The following ZFHX3 variants were observed in gnomAD, a reference collection of about 807,000 sequenced individuals.
The protein encoded by ZFHX3 is zinc finger homeobox protein 3.
A neutral mutation model predicts 279.1 loss-of-function variants in ZFHX3; 42 were observed. The ratio of observed to expected loss-of-function variants is 0.15; its 90% CI spans 0.12 to 0.19. The LOEUF is 0.19. ZFHX3 is among the 10% of genes least tolerant of loss of function. ZFHX3 has a pLI of 1.00. For synonymous variants in ZFHX3, 2,293 were observed against 1,957.8 expected (o/e 1.17, Z -4.52); for missense variants, 4,981 against 4,754.0 (o/e 1.05, Z -1.40).
chr16:73,026,673 C>CAAAAAA (rs10561679), intron 1 of ZFHX3, among the ~76,000 whole-genome samples: 2,215 of 79,058 alleles, frequency 0.028, 50 homozygotes, highest in African/African-American at 0.03. Context: ...AAAACTGCCT[C>CAAAAAA]AAAAAAAAAA....
At chr16:73,804,955 G>GGAGAGAGGGAGAGGAACGGAGT (rs1960239052) in intron 1 of ZFHX3, among the ~76,000 whole-genome samples, 1 of 141,552 alleles carries the variant, frequency 7.1e-6, no homozygotes, top group Admixed American at 7.1e-5. Context: ...AGGAAGGGAG[G>GGAGAGAGGGAGAGGAACGGAGT]GAGAGAGGGA....
In ZFHX3 at chr16:73,030,435, T is replaced by C. The variant is rs575265703; in HGVS notation, c.-50+17317A>G. 1.1e-4 allele frequency among the ~76,000 whole-genome samples: 16 copies of C among 152,320 alleles called. 1 individual carries two copies. The East Asian group carries it at 3.1e-3, about 29-fold the overall frequency. ...AAGGTTAGAAGGCTCAAGTCCTCTTTCCAGGTAGCTGGGAGGATGTAATTG... is the reference window on the plus strand; with the variant it reads ...AAGGTTAGAAGGCTCAAGTCCTCTTCCCAGGTAGCTGGGAGGATGTAATTG... On this transcript the variant is annotated intron_variant, in intron 1 of 9. Transcript: ENST00000268489.
chr16:72,806,220 C>G (rs540751917), intron 7 of ZFHX3, among the ~76,000 whole-genome samples: 1 of 152,124 alleles, frequency 6.6e-6, no homozygotes, highest in South Asian at 2.1e-4. Flanking sequence ...ACATCAAGCT[C>G]AAAAGAAAAT....
intron 2 of ZFHX3, among the ~76,000 whole-genome samples, chr16:73,630,942 T>C (rs1420996121): frequency 2.6e-5 from 4 of 152,228 alleles, no homozygotes; most frequent in African/African-American, 9.6e-5. Context: ...TTGGTTTGTT[T>C]TAACTCGGTA....
At chr16:73,813,216 T>G (rs776422167) in intron 1 of ZFHX3, among the ~76,000 whole-genome samples, 5 of 141,738 alleles carry the variant, frequency 3.5e-5, no homozygotes, top group African/African-American at 5.9e-5. Context: ...GTATCATCCC[T>G]ACCTCTTTCT....
chr16:73,655,105 C>T (rs1053740134), intron 2 of ZFHX3, among the ~76,000 whole-genome samples: 2 of 152,222 alleles, frequency 1.3e-5, no homozygotes, highest in East Asian at 1.9e-4. Flanking sequence ...AAGTGATCTG[C>T]CCGCCTTGCC....
chr16:73,145,453 G>C (rs894275106), intron 5 of ZFHX3, among the ~76,000 whole-genome samples: 1 of 152,246 alleles, frequency 6.6e-6, no homozygotes, highest in Non-Finnish European at 1.5e-5. Context: ...CTTACCCTGG[G>C]GGGAGGGGGC....
intron 5 of ZFHX3, among the ~76,000 whole-genome samples, chr16:73,156,735 T>G (rs9673954): frequency 0.41 from 62,575 of 151,138 alleles, 13,435 homozygotes; most frequent in Admixed American, 0.54. Context: ...TTTTTTTTTT[T>G]GAAGAGTCTA....
At chr16:73,623,132 G>A (rs1409968461) in intron 2 of ZFHX3, among the ~76,000 whole-genome samples, 1 of 151,916 alleles carries the variant, frequency 6.6e-6, no homozygotes, top group Non-Finnish European at 1.5e-5. Flanking sequence ...CGCCTCCCGG[G>A]TTCACACCAT....
chr16:73,282,616 A>G (rs148906053), intron 4 of ZFHX3, among the ~76,000 whole-genome samples: 2 of 152,278 alleles, frequency 1.3e-5, no homozygotes, highest in African/African-American at 4.8e-5. Flanking sequence ...CCTTTTCTTT[A>G]TATCAGAATT....
intron 9 of ZFHX3, chr16:72,789,952 G>C (rs931485072): frequency 1.3e-5 from 2 of 152,282 alleles, no homozygotes; most frequent in East Asian, 3.9e-4. Context: ...CAACCTACCC[G>C]AAGCACCACT....
rs1555510900 is a variant in ZFHX3 at position 73,337,896 on chromosome 16, G to GGTGT, written c.-1290-19561_-1290-19560insACAC. On this transcript the variant is annotated intron_variant, in intron 3 of 17. Coordinates refer to the ZFHX3 transcript ENST00000641206. Reference sequence around the variant, plus strand: ...TAAGTCTTCATCTTCCCTTGGCGGGGGGGGGGGTCCTCATCCCCTTTTTAT... The same window carrying GGTGT: ...TAAGTCTTCATCTTCCCTTGGCGGGGGTGTGGGGGGGTCCTCATCCCCTTTTTAT... 2.0e-4 allele frequency among the ~76,000 whole-genome samples: 29 copies of GGTGT among 145,452 alleles called. 4 individuals are homozygous for GGTGT. The highest frequency in any genetic ancestry group is 3.7e-4 in the Non-Finnish European group (24 of 65,168).
chr16:73,244,419 G>A (rs1326529507), intron 5 of ZFHX3, among the ~76,000 whole-genome samples: 1 of 152,142 alleles, frequency 6.6e-6, no homozygotes, highest in Admixed American at 6.5e-5. Flanking sequence ...TGAAAGATTC[G>A]AGAATGATTT....
chr16:73,748,073 T>G (rs1410915207), intron 1 of ZFHX3, among the ~76,000 whole-genome samples: 1 of 152,216 alleles, frequency 6.6e-6, no homozygotes, highest in Non-Finnish European at 1.5e-5. Flanking sequence ...TCCAGTGGGT[T>G]GTAGGAACCA....
chr16:73,413,433 A>G (rs2017509265), intron 3 of ZFHX3, among the ~76,000 whole-genome samples: 1 of 152,136 alleles, frequency 6.6e-6, no homozygotes, highest in African/African-American at 2.4e-5. Flanking sequence ...TTGCGGAAGG[A>G]CTGCCATGTA....
chr16:72,990,065 T>C (rs954205256), intron 1 of ZFHX3, among the ~76,000 whole-genome samples: 4 of 152,274 alleles, frequency 2.6e-5, no homozygotes, highest in Admixed American at 1.3e-4. Context: ...TTTGGGTTTT[T>C]TTCCCCCCAC....
chr16:73,087,873 GCT>G (rs1352561372), intron 8 of ZFHX3, among the ~76,000 whole-genome samples: 4 of 151,378 alleles, frequency 2.6e-5, no homozygotes, highest in Non-Finnish European at 5.9e-5. Context: ...TGTCATCCAG[GCT>G]GGAGTGCAGT....
At chr16:73,296,447 G>A (rs929377336) in intron 4 of ZFHX3, among the ~76,000 whole-genome samples, 1 of 152,086 alleles carries the variant, frequency 6.6e-6, no homozygotes, top group Non-Finnish European at 1.5e-5. Context: ...TATATCCAAG[G>A]ACAGTACTGT....
chr16:73,524,316 A>T (rs1052117029), intron 2 of ZFHX3, among the ~76,000 whole-genome samples: 2 of 152,232 alleles, frequency 1.3e-5, no homozygotes, highest in African/African-American at 4.8e-5. Context: ...GCTAGGAAGA[A>T]CCATAGAGAT....
Sources: allele counts gnomAD v4.1 joint callset (sites outside exome capture counted in the v4.1 genomes callset), GRCh38; gene constraint gnomAD v4.1.1; transcripts MANE v1.5; gene names NCBI Gene and HGNC (gene_info 2026-07-23, HGNC 2026-07-21).